LMAN1L: variants seen among roughly 807,000 people sequenced by gnomAD.
LMAN1L encodes the protein lectin, mannose binding 1 like.
Under a neutral mutation model 58.3 loss-of-function variants are expected in LMAN1L, and 60 were observed. The ratio of observed to expected loss-of-function variants is 1.03; its 90% CI spans 0.84 to 1.27. LMAN1L has a LOEUF of 1.27. Ranked by LOEUF, LMAN1L falls within the 50% of genes most tolerant of loss-of-function variation. The probability of loss-of-function intolerance (pLI) is 0.00; values close to 1 mark genes in which losing one functional copy is unlikely to be tolerated. For synonymous variants in LMAN1L, 280 were observed against 271.6 expected, an observed-to-expected ratio of 1.03 and a Z score of -0.31; for missense variants, 629 against 674.0, an observed-to-expected ratio of 0.93 and a Z score of 0.74.
chr15:74,812,845 C>T lies in LMAN1L; in HGVS notation c.-10C>T, dbSNP rs773444503. ...TCTACCCCGGGGCCCAGACTTCAGG[C>T]GCCTTCACGATGCCGGCGGTCAGTG... On this transcript the variant is annotated 5_prime_UTR_variant, in exon 1 of 14. Transcript: ENST00000309664. The T allele has an allele frequency of 1.7e-5, 27 of 1,585,118 alleles. No homozygotes were observed. Among genetic ancestry groups the T allele is most frequent in the East Asian group, 1.1e-4 (5 of 44,394 alleles).
At chr15:74,816,602 C>A (rs369165871) in intron 3 of LMAN1L, 30 bp from the exon 4 acceptor site, 2 of 1,606,122 alleles carry the variant, frequency 1.2e-6, no homozygotes, top group African/African-American at 1.3e-5. Flanking sequence ...GCCATGTCCG[C>A]GGCTCAGGCT....
intron 11 of LMAN1L, among the ~76,000 whole-genome samples, chr15:74,822,960 C>T (rs2063923874): frequency 6.6e-6 from 1 of 152,236 alleles, no homozygotes; most frequent in Non-Finnish European, 1.5e-5. Context: ...CAGACACTCC[C>T]ACCCTCAGGA....
Position 74,813,031 on chromosome 15 carries a change from T to C in LMAN1L, c.175+2T>C. On this transcript the variant is annotated splice_donor_variant, in intron 1 of 13. Transcript: ENST00000309664. LOFTEE classifies it high-confidence loss of function. Reference sequence around the variant, plus strand: ...TACCCTTCTGGAGCCATCATGGAGGTGAGGGGCAGGGGTGGGGACCAGCTA... The same window carrying C: ...TACCCTTCTGGAGCCATCATGGAGGCGAGGGGCAGGGGTGGGGACCAGCTA... 1 of 1,609,980 alleles carries C rather than the reference T, an allele frequency of 6.2e-7. No homozygotes were observed. Among genetic ancestry groups the C allele is most frequent in the Non-Finnish European group, 8.5e-7 (1 of 1,177,910 alleles).
intron 4 of LMAN1L, among the ~76,000 whole-genome samples, chr15:74,818,028 A>AAG (rs1555467041): frequency 2.3e-4 from 34 of 149,866 alleles, no homozygotes; most frequent in Middle Eastern, 3.4e-3. Context: ...AAAAAAAAAA[A>AAG]AGAGAGAGAG....
At chr15:74,815,251 G>A (rs2063885299) in intron 1 of LMAN1L, among the ~76,000 whole-genome samples, 1 of 152,176 alleles carries the variant, frequency 6.6e-6, no homozygotes, top group South Asian at 2.1e-4. Flanking sequence ...GCAGCTCTGA[G>A]CCTCCCTACC....
chr15:74,822,705 A>G lies in LMAN1L; in HGVS notation c.1195A>G (p.Met399Val). 6.2e-7 allele frequency: 1 copy of G among 1,613,526 alleles called. No homozygotes were observed. The change falls in exon 11 of 14, where the codon ATG (methionine) becomes GTG (valine). Residue 399 changes from methionine to valine, a missense_variant. Met to Val is a conservative substitution (Grantham distance 21). Transcript: ENST00000309664. ...QWTLLQALQE[M>V]RDAAVRMAAE... ...GACTCTGCTCCAGGCCCTGCAAGAG[A>G]TGAGGTAAGGGACTGGGTGGGGACC... is the stretch of plus-strand genomic sequence containing the variant.
Position 74,824,638 on chromosome 15 carries a change from C to G in LMAN1L, c.1451+160C>G, listed in dbSNP as rs373554659. ...TGCGGGATAGGGCCCATTCTCTCACCAAGCACTACTGACCACCTGCTCGGC... is the reference window on the plus strand; with the variant it reads ...TGCGGGATAGGGCCCATTCTCTCACGAAGCACTACTGACCACCTGCTCGGC... On this transcript the variant is annotated intron_variant, in intron 13 of 13. Transcript: ENST00000309664. 4.3e-5 allele frequency: 35 copies of G among 816,028 alleles called. 1 individual carries two copies. The highest frequency in any genetic ancestry group is 2.6e-4 in the East Asian group (10 of 39,164). The allele number at this position is 816,028 out of a possible 1,614,324, so 50.5% of individuals were successfully genotyped here.
rs779564010 is a variant in LMAN1L at position 74,825,488 on chromosome 15, C to CAAG, written c.1466_1468dup (p.Lys489dup). ...TCTCTGGCAGCAGGCAGGAGCTGAA[C>CAAG]AAGAGCCTTCAGGAGTGTCTGTCCA... On this transcript the variant is annotated inframe_insertion, in exon 14 of 14. Transcript: ENST00000309664. 18 of 1,612,218 alleles carry CAAG rather than the reference C, an allele frequency of 1.1e-5. No individual in the cohort carries two copies. The African/African-American group carries it at 2.4e-4, about 22-fold the overall frequency.
chr15:74,820,835 A>C, intron 8 of LMAN1L, 68 bp downstream of exon 8: 1 of 1,551,364 alleles, frequency 6.4e-7, no homozygotes. Flanking sequence ...CCTTATGACC[A>C]GGGGTCCTTT....
chr15:74,818,594 T>C (rs2063902845), intron 4 of LMAN1L, 124 bp from the exon 5 acceptor site: 1 of 712,628 alleles, frequency 1.4e-6, no homozygotes, highest in Non-Finnish European at 2.5e-6. Flanking sequence ...CTTGGGAGGC[T>C]GAGGTGGGAG....
intron 10 of LMAN1L, 22 bp downstream of exon 10, chr15:74,821,922 G>A: frequency 1.1e-5 from 17 of 1,543,326 alleles, no homozygotes; most frequent in Non-Finnish European, 1.4e-5. Flanking sequence ...AACACTGGGT[G>A]TTGACCAGCA....
chr15:74,818,228 C>T (rs1405350554), intron 4 of LMAN1L, among the ~76,000 whole-genome samples: 1 of 152,172 alleles, frequency 6.6e-6, no homozygotes, highest in African/African-American at 2.4e-5. Flanking sequence ...GCTCCTCTCT[C>T]TTCTGCCAAG....
intron 1 of LMAN1L, among the ~76,000 whole-genome samples, chr15:74,815,571 T>TTGCTTTCC (rs995653837): frequency 6.6e-6 from 1 of 152,238 alleles, no homozygotes. Context: ...CTTCACATCT[T>TTGCTTTCC]TGCTTTCCTG....
At position 74,824,350 on chromosome 15, in the gene LMAN1L, G is replaced by C; in HGVS notation, c.1324-1G>C. 4 of 1,613,718 alleles carry C rather than the reference G, an allele frequency of 2.5e-6. No individual in the cohort carries two copies. The highest frequency in any genetic ancestry group is 1.7e-4 in the Middle Eastern group (1 of 6,058). ...TAGGACCTTAGACTTTCCCCTTTCAGAAGGCAGCAGCCAAGGCCCCCCGCC... is the reference window on the plus strand; with the variant it reads ...TAGGACCTTAGACTTTCCCCTTTCACAAGGCAGCAGCCAAGGCCCCCCGCC... On this transcript the variant is annotated splice_acceptor_variant, in intron 12 of 13. Coordinates refer to ENST00000309664, the MANE Select transcript of LMAN1L (RefSeq NM_021819.3). LOFTEE classifies it high-confidence loss of function.
intron 7 of LMAN1L, 80 bp downstream of exon 7, chr15:74,820,179 C>A: frequency 8.1e-7 from 1 of 1,230,232 alleles, no homozygotes; most frequent in Non-Finnish European, 1.2e-6. Flanking sequence ...CTCAGACCTG[C>A]CATTCCAGCC....
rs905469182 is a variant in LMAN1L at position 74,821,203 on chromosome 15, C to A, written c.1036C>A (p.Gln346Lys). The A allele has an allele frequency of 8.4e-6, 13 of 1,549,830 alleles. No homozygotes were observed. The South Asian group carries it at 1.5e-4, about 18-fold the overall frequency. Reference protein sequence around the residue: ...QWKKQLGPPGQARPDGGWALD... With the variant: ...QWKKQLGPPGKARPDGGWALD... Reference sequence around the variant, plus strand: ...GAAGAAGCAGCTGGGGCCCCCAGGCCAAGCCAGGCCTGACGGAGGCTGGGT... The same window carrying A: ...GAAGAAGCAGCTGGGGCCCCCAGGCAAAGCCAGGCCTGACGGAGGCTGGGT... The change falls in exon 9 of 14, where the codon CAA becomes AAA. Residue 346 changes from glutamine (Q) to lysine (K), a missense_variant. By Grantham distance (53) the Gln-to-Lys change is moderately conservative (BLOSUM62 1). This residue lies in a region of LMAN1L where 573 missense variants were observed against 597.3 expected (regional missense o/e 0.96). Coordinates refer to ENST00000309664, the MANE Select transcript of LMAN1L (RefSeq NM_021819.3).
At chr15:74,823,924 A>C in intron 12 of LMAN1L, 1 of 556,004 alleles carries the variant, frequency 1.8e-6, no homozygotes, top group Non-Finnish European at 3.2e-6. Flanking sequence ...CAGCAGCAGC[A>C]GGGCCCTGGA....
intron 5 of LMAN1L, 76 bp downstream of exon 5, chr15:74,818,893 C>A: frequency 1.5e-6 from 2 of 1,317,764 alleles, no homozygotes; most frequent in Non-Finnish European, 2.1e-6. Flanking sequence ...GGCCCCAACA[C>A]ACCAGTGCCT....
chr15:74,820,392 A>G, intron 7 of LMAN1L: 1 of 630,634 alleles, frequency 1.6e-6, no homozygotes, highest in East Asian at 2.7e-5. Context: ...CAGGGGGTCA[A>G]GGAAGGCTGC....
Sources: allele counts gnomAD v4.1 joint callset (sites outside exome capture counted in the v4.1 genomes callset), GRCh38; gene constraint gnomAD v4.1.1; regional missense constraint gnomAD v4.1.1; transcripts MANE v1.5; gene names NCBI Gene and HGNC (gene_info 2026-07-23, HGNC 2026-07-21).